The following SORCS1 variants were observed in gnomAD, a reference collection of about 807,000 sequenced individuals.
SORCS1 encodes the protein VPS10 domain-containing receptor SorCS1.
In SORCS1, 60 loss-of-function variants were observed where a neutral mutation model predicts 146.1. The observed-to-expected ratio is 0.41, with a 90% confidence interval of 0.33 to 0.51. SORCS1 has a LOEUF of 0.51. Among genes scored for constraint, SORCS1 ranks in the 20% least tolerant of loss-of-function variants. The probability of loss-of-function intolerance (pLI) is 0.21; values close to 1 mark genes in which losing one functional copy is unlikely to be tolerated. For synonymous variants in SORCS1, 637 were observed against 584.0 expected (o/e 1.09, Z -1.31); for missense variants, 1,352 against 1,487.6 (o/e 0.91, Z 1.50).
intron 1 of SORCS1, among the ~76,000 whole-genome samples, chr10:107,123,967 G>T (rs1178680052): frequency 1.3e-5 from 2 of 150,894 alleles, no homozygotes; most frequent in Non-Finnish European, 3.0e-5. Flanking sequence ...GGTACCTGTA[G>T]TCCCAGCTAC....
intron 6 of SORCS1, among the ~76,000 whole-genome samples, chr10:106,719,897 C>A (rs570931556): frequency 2.6e-5 from 4 of 152,216 alleles, no homozygotes; most frequent in Admixed American, 6.5e-5. Context: ...ATGCCTCAGC[C>A]ATGCTAAGCA....
chr10:106,745,826 C>T (rs1243714961), intron 5 of SORCS1, among the ~76,000 whole-genome samples: 2 of 152,130 alleles, frequency 1.3e-5, no homozygotes, highest in Non-Finnish European at 2.9e-5. Flanking sequence ...CTGGGAGACG[C>T]CCCCTTCACC....
At chr10:106,673,024 A>T in intron 14 of SORCS1, 39 bp from the exon 15 acceptor site, 3 of 1,489,158 alleles carry the variant, frequency 2.0e-6, no homozygotes, top group Non-Finnish European at 2.8e-6. Context: ...TACAATGATA[A>T]CAATGTAATG....
intron 2 of SORCS1, among the ~76,000 whole-genome samples, chr10:106,956,081 G>C (rs1400370267): frequency 6.6e-6 from 1 of 151,420 alleles, no homozygotes; most frequent in African/African-American, 2.4e-5. Context: ...GCTGAGCCGA[G>C]ATGCGCCATT....
rs529043861 is a variant in SORCS1 at position 106,922,725 on chromosome 10, G to A, written c.626+33788C>T. Among the ~76,000 whole-genome samples the A allele has an allele frequency of 3.7e-4, 54 of 147,580 alleles. No homozygotes were observed. The South Asian group carries it at 0.012, about 33-fold the overall frequency. On this transcript the variant is annotated intron_variant, in intron 2 of 25. Transcript: ENST00000263054. ...TCGCCCAAATCCGCAGTTTACGTTA[G>A]GGTTCATCCTAGACTTATATATTCT...
chr10:107,078,514 G>T (rs1353654885), intron 1 of SORCS1, among the ~76,000 whole-genome samples: 1 of 152,118 alleles, frequency 6.6e-6, no homozygotes, highest in Admixed American at 6.5e-5. Context: ...GTATTCTCTG[G>T]TGATGAAAAC....
At chr10:106,743,852 C>T (rs375208965) in intron 5 of SORCS1, among the ~76,000 whole-genome samples, 21 of 152,236 alleles carry the variant, frequency 1.4e-4, no homozygotes, top group African/African-American at 4.6e-4. Context: ...GAAACTAAAA[C>T]ATTCTTACAA....
At chr10:106,963,269 C>T (rs971884134) in intron 1 of SORCS1, among the ~76,000 whole-genome samples, 1 of 151,804 alleles carries the variant, frequency 6.6e-6, no homozygotes, top group Non-Finnish European at 1.5e-5. Context: ...GCGCCCACCA[C>T]CACGCCCGGC....
intron 20 of SORCS1, among the ~76,000 whole-genome samples, chr10:106,618,747 G>A (rs561138970): frequency 3.9e-5 from 6 of 152,266 alleles, no homozygotes; most frequent in South Asian, 2.1e-4. Context: ...CATGAATCCG[G>A]TACACCAAAA....
intron 18 of SORCS1, among the ~76,000 whole-genome samples, chr10:106,635,486 A>G (rs1848676522): frequency 6.6e-6 from 1 of 152,190 alleles, no homozygotes; most frequent in Admixed American, 6.6e-5. Flanking sequence ...GGTGAAGCAA[A>G]AGGTAACCCA....
chr10:106,827,101 C>T (rs888608180), intron 3 of SORCS1, among the ~76,000 whole-genome samples: 64 of 152,162 alleles, frequency 4.2e-4, no homozygotes, highest in African/African-American at 1.4e-3. Flanking sequence ...ACTTGAGCAT[C>T]TCACTCCTTA....
intron 2 of SORCS1, among the ~76,000 whole-genome samples, chr10:106,841,056 A>G (rs1029866931): frequency 2.0e-5 from 3 of 150,328 alleles, no homozygotes; most frequent in Non-Finnish European, 4.4e-5. Flanking sequence ...GGGTTTCACC[A>G]TGTTGGCCAA....
At chr10:107,003,393 G>A (rs747484453) in intron 1 of SORCS1, among the ~76,000 whole-genome samples, 2 of 151,880 alleles carry the variant, frequency 1.3e-5, no homozygotes, top group Non-Finnish European at 2.9e-5. Flanking sequence ...AAGTATGCAT[G>A]TGTTGTGTGT....
intron 2 of SORCS1, among the ~76,000 whole-genome samples, chr10:106,898,914 G>A (rs1344648590): frequency 2.6e-5 from 4 of 152,076 alleles, no homozygotes; most frequent in African/African-American, 9.7e-5. Context: ...CTCACTGCCT[G>A]GTCTTGACTT....
chr10:107,168,168 A>G (rs542839943), upstream of SORCS1, among the ~76,000 whole-genome samples: 2 of 152,172 alleles, frequency 1.3e-5, no homozygotes, highest in South Asian at 2.1e-4. Flanking sequence ...GTTTTTTCCA[A>G]TTCGTGACCT....
intron 2 of SORCS1, among the ~76,000 whole-genome samples, chr10:106,878,619 A>AATATATATATAT (rs1692238737): frequency 2.9e-5 from 1 of 34,936 alleles, no homozygotes; most frequent in African/African-American, 1.0e-4. Context: ...TAAACTACCT[A>AATATATATATAT]GTATATATAT....
At chr10:106,710,752 C>T (rs1024658059) in intron 6 of SORCS1, among the ~76,000 whole-genome samples, 3 of 152,130 alleles carry the variant, frequency 2.0e-5, no homozygotes, top group Non-Finnish European at 4.4e-5. Context: ...AACCCTCCAA[C>T]CTCCCCCACT....
At chr10:106,745,921 T>G (rs1333538273) in intron 5 of SORCS1, among the ~76,000 whole-genome samples, 2 of 152,228 alleles carry the variant, frequency 1.3e-5, no homozygotes, top group East Asian at 3.8e-4. Context: ...GGGTACATCA[T>G]TTCTTTGATA....
chr10:106,980,228 T>G (rs1195379773), intron 1 of SORCS1, among the ~76,000 whole-genome samples: 1 of 152,212 alleles, frequency 6.6e-6, no homozygotes, highest in African/African-American at 2.4e-5. Context: ...TTTCCATGGG[T>G]TATGCCCAAA....
Sources: allele counts gnomAD v4.1 joint callset (sites outside exome capture counted in the v4.1 genomes callset), GRCh38; gene constraint gnomAD v4.1.1; transcripts MANE v1.5; gene names NCBI Gene and HGNC (gene_info 2026-07-23, HGNC 2026-07-21).